Variants in PIGW observed in about 807,000 individuals in gnomAD.
PIGW encodes phosphatidylinositol glycan anchor biosynthesis class W, also known as glucosaminyl-phosphatidylinositol-acyltransferase PIGW.
Under a neutral mutation model 34.0 loss-of-function variants are expected in PIGW, and 23 were observed. The ratio of observed to expected loss-of-function variants is 0.68; its 90% CI spans 0.49 to 0.96. The LOEUF is 0.96. PIGW is among the 40% of genes least tolerant of loss of function. The probability of loss-of-function intolerance (pLI) is 0.00; values close to 1 mark genes in which losing one functional copy is unlikely to be tolerated. For synonymous variants in PIGW, 225 were observed against 225.2 expected (o/e 1.00, Z 0.01); for missense variants, 574 against 586.3 (o/e 0.98, Z 0.22).
rs1010976724 is a variant in PIGW at position 36,538,635 on chromosome 17, A to G, written c.*19A>G. 1.8e-5 allele frequency: 27 copies of G among 1,526,764 alleles called. No individual in the cohort carries two copies. Among genetic ancestry groups the G allele is most frequent in the African/African-American group, 2.8e-5 (2 of 72,036 alleles). 94.6% of individuals were successfully genotyped at this position (1,526,764 alleles called of 1,614,324 possible). On this transcript the variant is annotated 3_prime_UTR_variant, in exon 2 of 2. Transcript: ENST00000614443. ...TTGGTGATCAGCAGGAGTAGGATAT[A>G]TAAGTATTTGGGCAATATTTAATGA...
At position 36,537,890 on chromosome 17, in the gene PIGW, T is replaced by C; in HGVS notation, c.789T>C (p.Ile263=). The C allele has an allele frequency of 6.2e-7, 1 of 1,614,128 alleles. No homozygotes were observed. The highest frequency in any genetic ancestry group is 8.5e-7 in the Non-Finnish European group (1 of 1,180,020). Reference sequence around the variant, plus strand: ...TTTTTCCCCTAAATAAGTCCTGGATTATTGCCCTCGGCATTACTGTATTAT... The same window carrying C: ...TTTTTCCCCTAAATAAGTCCTGGATCATTGCCCTCGGCATTACTGTATTAT... ...LIIFPLNKSW[I]IALGITVLYQ... Residue 263 remains isoleucine, a synonymous_variant, in exon 2 of 2, where the codon ATT becomes ATC. Coordinates refer to ENST00000614443, the MANE Select transcript of PIGW (RefSeq NM_001346754.2).
In PIGW at chr17:36,538,123, GTTTTC is replaced by G. The variant is rs777891950; in HGVS notation, c.1027_1031del (p.Leu343ThrfsTer5). ...ATCAAAGACTTGATAAAAGTAGCCT[GTTTTC>G]TTTTACTGGCAGCTATTAGCCTCTT... is the stretch of plus-strand genomic sequence containing the variant. On this transcript the variant is annotated frameshift_variant, in exon 2 of 2. Coordinates refer to ENST00000614443, the MANE Select transcript of PIGW (RefSeq NM_001346754.2). LOFTEE classifies it high-confidence loss of function. 4 of 1,614,028 alleles carry G rather than the reference GTTTTC, an allele frequency of 2.5e-6. No homozygotes were observed. The highest frequency in any genetic ancestry group is 8.5e-7 in the Non-Finnish European group (1 of 1,180,036).
In PIGW at chr17:36,538,821, T is replaced by G; in HGVS notation, c.*205T>G. 2.0e-6 allele frequency: 1 copy of G among 494,872 alleles called. No individual in the cohort carries two copies. The highest frequency in any genetic ancestry group is 3.6e-6 in the Non-Finnish European group (1 of 278,380). 30.7% of individuals were successfully genotyped at this position (494,872 alleles called of 1,614,324 possible). A position where few individuals can be genotyped will look rare whatever the true frequency, so the allele number is the denominator to read the frequency against. On this transcript the variant is annotated 3_prime_UTR_variant, in exon 2 of 2. Coordinates refer to ENST00000614443, the MANE Select transcript of PIGW (RefSeq NM_001346754.2). Reference sequence around the variant, plus strand: ...CAGGCTGGAGTGTAGTGGTGCCATCTCAGCTCACTGCAACCTCCACCTCCC... The same window carrying G: ...CAGGCTGGAGTGTAGTGGTGCCATCGCAGCTCACTGCAACCTCCACCTCCC...
In PIGW at chr17:36,538,411, G is replaced by T. The variant is rs2074173282; in HGVS notation, c.1310G>T (p.Ser437Ile). ...LVPEAERMEP[S>I]LCLITALNRK... is the part of the protein sequence containing the mutation. ...CCTGAAGCCGAAAGAATGGAACCCA[G>T]TCTTTGTTTAATCACAGCTCTAAAC... Residue 437 changes from serine (S) to isoleucine (I), a missense_variant, in exon 2 of 2, where the codon AGT becomes ATT. Physicochemically the swap from Ser to Ile is moderately radical, Grantham distance 142. Coordinates refer to ENST00000614443, the MANE Select transcript of PIGW (RefSeq NM_001346754.2). 2 of 1,613,924 alleles carry T rather than the reference G, an allele frequency of 1.2e-6. No homozygotes were observed. Among genetic ancestry groups the T allele is most frequent in the Non-Finnish European group, 1.7e-6 (2 of 1,179,940 alleles).
At chr17:36,536,911 A>C (rs1258884310) in intron 1 of PIGW, among the ~76,000 whole-genome samples, 183 bp from the exon 2 acceptor site, 1 of 152,198 alleles carries the variant, frequency 6.6e-6, no homozygotes, top group Non-Finnish European at 1.5e-5. Flanking sequence ...TTCTATCTGA[A>C]CACATTAGTG....
Position 36,537,913 on chromosome 17 carries a change from T to C in PIGW, c.812T>C (p.Leu271Ser), listed in dbSNP as rs1223521501. 1.9e-6 allele frequency: 3 copies of C among 1,614,092 alleles called. No homozygotes were observed. The South Asian group carries it at 3.3e-5, about 18-fold the overall frequency. ...SWIIALGITV[L>S]YQLALDFTSL... ...ATTATTGCCCTCGGCATTACTGTAT[T>C]ATACCAGCTAGCCCTTGACTTTACC... is the stretch of plus-strand genomic sequence containing the variant. Residue 271 changes from leucine to serine, a missense_variant, in exon 2 of 2, where the codon TTA becomes TCA. Physicochemically the swap from Leu to Ser is moderately radical, Grantham distance 145. Transcript: ENST00000614443.
rs2074170716 is a variant in PIGW, at chr17:36,538,255, T to G, written c.1154T>G (p.Leu385Arg). 1.9e-6 allele frequency: 3 copies of G among 1,613,406 alleles called. No homozygotes were observed. The highest frequency in any genetic ancestry group is 1.1e-5 in the South Asian group (1 of 91,064). Residue 385 changes from leucine to arginine, a missense_variant, in exon 2 of 2, where the codon CTT becomes CGT. Physicochemically the swap from Leu to Arg is moderately radical, Grantham distance 102 (BLOSUM62 -2). Transcript: ENST00000614443. ...IWIVASSLIL[L>R]SSLLLGDIIL... The stretch of plus-strand genomic sequence containing the variant: ...ATAGTTGCTTCTAGCCTGATCCTTC[T>G]TAGTAGTTTATTACTGGGTGATATA...
At position 36,535,017 on chromosome 17, in the gene PIGW, G is replaced by C. The variant is rs1211439286; in HGVS notation, c.-584G>C. The C allele has an allele frequency of 6.6e-6, 1 of 152,410 alleles. No homozygotes were observed. The highest frequency in any genetic ancestry group is 2.4e-5 in the African/African-American group (1 of 41,480). 9.4% of individuals were successfully genotyped at this position (152,410 alleles called of 1,614,324 possible). On this transcript the variant is annotated 5_prime_UTR_variant, in exon 1 of 2. Transcript: ENST00000614443. ...CGGCGCGGGGCGCGCACGTGGCTTG[G>C]CCGGGACGCCTGGTCCGGCTTGCTG...
chr17:36,538,514 C>CAGT lies in PIGW; in HGVS notation c.1415_1417dup (p.Ser472dup). ...ACCTGATGGTAGATACATTACACAG[C>CAGT]AGTACCTTGTGGGCCTTATTTGTGG... is the stretch of plus-strand genomic sequence containing the variant. On this transcript the variant is annotated inframe_insertion, in exon 2 of 2. Coordinates refer to ENST00000614443, the MANE Select transcript of PIGW (RefSeq NM_001346754.2). 1 of 1,613,764 alleles carries CAGT rather than the reference C, an allele frequency of 6.2e-7. No individual in the cohort carries two copies. The highest frequency in any genetic ancestry group is 1.1e-5 in the South Asian group (1 of 91,072).
chr17:36,536,890 T>C (rs1187528233), intron 1 of PIGW, among the ~76,000 whole-genome samples: 1 of 152,196 alleles, frequency 6.6e-6, no homozygotes, highest in Non-Finnish European at 1.5e-5. Flanking sequence ...TTAATATTAT[T>C]AGTATGACAT....
rs1442648159 is a variant in PIGW at position 36,537,689 on chromosome 17, G to A, written c.588G>A (p.Leu196=). The part of the protein sequence containing the change: ...RRRKYMEGSK[L]HYFTNSLYSV... ...GAAAATATATGGAAGGGTCCAAATT[G>A]CATTACTTTACAAACTCATTGTACT... Residue 196 remains leucine (L), a synonymous_variant, in exon 2 of 2, where the codon TTG becomes TTA. Transcript: ENST00000614443. The A allele has an allele frequency of 6.2e-7, 1 of 1,614,082 alleles. No homozygotes were observed. Among genetic ancestry groups the A allele is most frequent in the South Asian group, 1.1e-5 (1 of 91,078 alleles).
chr17:36,538,477 C>T lies in PIGW; in HGVS notation c.1376C>T (p.Thr459Ile), dbSNP rs749727512. 11 of 1,614,010 alleles carry T rather than the reference C, an allele frequency of 6.8e-6. No homozygotes were observed. Among genetic ancestry groups the T allele is most frequent in the Non-Finnish European group, 9.3e-6 (11 of 1,179,990 alleles). The change falls in exon 2 of 2, where the codon ACT (threonine) becomes ATT (isoleucine). Residue 459 changes from threonine to isoleucine, a missense_variant. Coordinates refer to ENST00000614443, the MANE Select transcript of PIGW (RefSeq NM_001346754.2). ...LIFFLLSNIT[T>I]GLINLMVDTL... ...TTTTTCTTGCTGTCAAATATAACAA[C>T]TGGCCTGATCAACCTGATGGTAGAT...
chr17:36,537,670 A>G lies in PIGW; in HGVS notation c.569A>G (p.Tyr190Cys), dbSNP rs775382952. ...TGTCTAGAGGTCAGGAGGAGAAAAT[A>G]TATGGAAGGGTCCAAATTGCATTAC... ...MVCLEVRRRK[Y>C]MEGSKLHYFT... Residue 190 changes from tyrosine (Y) to cysteine (C), a missense_variant, in exon 2 of 2, where the codon TAT becomes TGT. Transcript: ENST00000614443. 2 of 1,614,136 alleles carry G rather than the reference A, an allele frequency of 1.2e-6. No individual in the cohort carries two copies. Among genetic ancestry groups the G allele is most frequent in the Admixed American group, 3.3e-5 (2 of 60,014 alleles).
At position 36,538,522 on chromosome 17, in the gene PIGW, T is replaced by C. The variant is rs886520278; in HGVS notation, c.1421T>C (p.Leu474Ser). Residue 474 changes from leucine (L) to serine (S), a missense_variant, in exon 2 of 2, where the codon TTG becomes TCG. Physicochemically the swap from Leu to Ser is moderately radical, Grantham distance 145 (BLOSUM62 -2). Transcript: ENST00000614443. ...GTAGATACATTACACAGCAGTACCTTGTGGGCCTTATTTGTGGTCAATCTC... is the reference window on the plus strand; with the variant it reads ...GTAGATACATTACACAGCAGTACCTCGTGGGCCTTATTTGTGGTCAATCTC... ...LMVDTLHSST[L>S]WALFVVNLYM... The C allele has an allele frequency of 2.5e-6, 4 of 1,613,760 alleles. No homozygotes were observed. The highest frequency in any genetic ancestry group is 3.4e-6 in the Non-Finnish European group (4 of 1,179,768).
Position 36,537,709 on chromosome 17 carries a change from T to G in PIGW, c.608T>G (p.Leu203Trp), listed in dbSNP as rs12952744. ...AAATTGCATTACTTTACAAACTCAT[T>G]GTACTCTGTTTGGCCATTAGTCTTC... ...GSKLHYFTNS[L>W]YSVWPLVFLG... The change falls in exon 2 of 2, where the codon TTG becomes TGG. Residue 203 changes from leucine to tryptophan, a missense_variant. Coordinates refer to ENST00000614443, the MANE Select transcript of PIGW (RefSeq NM_001346754.2). 2.2e-5 allele frequency: 36 copies of G among 1,614,178 alleles called. No individual in the cohort carries two copies. Among genetic ancestry groups the G allele is most frequent in the Middle Eastern group, 3.3e-4 (2 of 6,062 alleles).
chr17:36,539,130 A>C lies in PIGW; in HGVS notation c.*514A>C, dbSNP rs1052946072. On this transcript the variant is annotated 3_prime_UTR_variant, in exon 2 of 2. Transcript: ENST00000614443. ...GCCTTTTGACTTGTTAGAATGTATT[A>C]AGTAGTATTTTAAAGAAACTTTATA... 6.0e-6 allele frequency: 1 copy of C among 167,226 alleles called. No homozygotes were observed. 10.4% of individuals were successfully genotyped at this position (167,226 alleles called of 1,614,324 possible).
rs2074089377 is a variant in PIGW at position 36,535,545 on chromosome 17, T to C, written c.-56T>C. 1 of 152,372 alleles carries C rather than the reference T, an allele frequency of 6.6e-6. No individual in the cohort carries two copies. The highest frequency in any genetic ancestry group is 3.4e-3 in the Middle Eastern group (1 of 294). 9.4% of individuals were successfully genotyped at this position (152,372 alleles called of 1,614,324 possible). On this transcript the variant is annotated 5_prime_UTR_variant, in exon 1 of 2. Transcript: ENST00000614443. Reference sequence around the variant, plus strand: ...TTGGCGGGTGCAGCGGCAGTCCGGCTGCCCTTCCCACGTAGACCGTCTGCT... The same window carrying C: ...TTGGCGGGTGCAGCGGCAGTCCGGCCGCCCTTCCCACGTAGACCGTCTGCT...
rs750852262 is a variant in PIGW at position 36,537,437 on chromosome 17, C to T, written c.336C>T (p.Ile112=). 6.2e-7 allele frequency: 1 copy of T among 1,614,118 alleles called. No homozygotes were observed. The highest frequency in any genetic ancestry group is 8.5e-7 in the Non-Finnish European group (1 of 1,180,000). ...TCYARLPFLK[I]LEKFLNISLE... is the part of the protein sequence containing the mutation. The stretch of plus-strand genomic sequence containing the variant: ...ATGCCAGACTGCCTTTCCTAAAAAT[C>T]CTTGAAAAATTCTTGAACATCAGTC... Residue 112 remains isoleucine (I), a synonymous_variant, in exon 2 of 2, where the codon ATC becomes ATT. Transcript: ENST00000614443.
In PIGW at chr17:36,537,136, G is replaced by C. The variant is rs768591326; in HGVS notation, c.35G>C (p.Ser12Thr). 1 of 1,603,048 alleles carries C rather than the reference G, an allele frequency of 6.2e-7. No individual in the cohort carries two copies. The highest frequency in any genetic ancestry group is 8.5e-7 in the Non-Finnish European group (1 of 1,175,950). Residue 12 changes from serine to threonine, a missense_variant, in exon 2 of 2, where the codon AGT becomes ACT. Physicochemically the swap from Ser to Thr is moderately conservative, Grantham distance 58. Coordinates refer to ENST00000614443, the MANE Select transcript of PIGW (RefSeq NM_001346754.2). ...AAGCAGATGAAGGAAGCTTTTGTCA[G>C]TAACCTCAATGGAACCACCGTGCTG... is the stretch of plus-strand genomic sequence containing the variant. ...SEKQMKEAFVSNLNGTTVLEI... is the reference protein window; with the variant it reads ...SEKQMKEAFVTNLNGTTVLEI...
Sources: gnomAD v4.1 joint callset for allele counts (sites outside exome capture counted in the v4.1 genomes callset) on GRCh38, gnomAD v4.1.1 for gene constraint, MANE v1.5 for transcripts, NCBI Gene and HGNC (gene_info 2026-07-23, HGNC 2026-07-21) for gene names.